The following ADAMTS19 variants were observed in gnomAD, a reference collection of about 807,000 sequenced individuals.
ADAMTS19 encodes A disintegrin and metalloproteinase with thrombospondin motifs 19.
In ADAMTS19, 93 loss-of-function variants were observed where a neutral mutation model predicts 153.3. The observed-to-expected ratio is 0.61, with a 90% CI of 0.51 to 0.72. The LOEUF is 0.72. Among genes scored for constraint, ADAMTS19 ranks in the 30% least tolerant of loss-of-function variants. The pLI is 0.00. For synonymous variants in ADAMTS19, 600 were observed against 556.6 expected (o/e 1.08, Z -1.10); for missense variants, 1,482 against 1,552.1 (o/e 0.95, Z 0.76).
At chr5:129,723,963 T>C (rs1159006933) in intron 21 of ADAMTS19, among the ~76,000 whole-genome samples, 1 of 152,200 alleles carries the variant, frequency 6.6e-6, no homozygotes, top group Non-Finnish European at 1.5e-5. Context: ...ATTGAAAGAA[T>C]TTATTTAAAG....
intron 20 of ADAMTS19, 47 bp from the exon 21 acceptor site, chr5:129,704,192 T>C: frequency 6.3e-7 from 1 of 1,586,518 alleles, no homozygotes; most frequent in South Asian, 1.2e-5. Flanking sequence ...ATCATCTATA[T>C]CTCCAATTCA....
intron 2 of ADAMTS19, among the ~76,000 whole-genome samples, chr5:129,492,873 C>G (rs1213634283): frequency 1.3e-5 from 2 of 151,986 alleles, no homozygotes; most frequent in African/African-American, 4.8e-5. Context: ...TTACCATTTT[C>G]TTAATTGTGG....
intron 8 of ADAMTS19, among the ~76,000 whole-genome samples, chr5:129,601,061 C>T (rs1415696431): frequency 6.6e-6 from 1 of 151,846 alleles, no homozygotes; most frequent in African/African-American, 2.4e-5. Flanking sequence ...TTAGTAGAGA[C>T]GGGGTTTCAG....
chr5:129,663,318 T>G (rs1753900612), intron 15 of ADAMTS19, among the ~76,000 whole-genome samples: 1 of 152,218 alleles, frequency 6.6e-6, no homozygotes, highest in South Asian at 2.1e-4. Context: ...CTTAACTTGG[T>G]GATTCTGCAA....
intron 16 of ADAMTS19, among the ~76,000 whole-genome samples, chr5:129,672,908 C>T (rs927099999): frequency 2.6e-4 from 39 of 151,858 alleles, no homozygotes; most frequent in African/African-American, 9.4e-4. Context: ...TATTCCTCTT[C>T]TTTTTGTGTC....
At chr5:129,719,492 A>G (rs906254208) in intron 21 of ADAMTS19, among the ~76,000 whole-genome samples, 4 of 152,326 alleles carry the variant, frequency 2.6e-5, no homozygotes, top group African/African-American at 9.6e-5. Flanking sequence ...TTAGTTAATA[A>G]TTTTAAACTT....
chr5:129,647,917 G>C, intron 12 of ADAMTS19, 22 bp downstream of exon 12: 1 of 1,597,850 alleles, frequency 6.3e-7, no homozygotes. Context: ...GTTCCTGGTT[G>C]GGGGAGGGCA....
rs111387154 is a variant in ADAMTS19, at chr5:129,569,775, C to T, written c.1372+17868C>T. ...TACTAAGTGTTTTGAACTGAACAAACATGAAAAGACAACATACAAATTGGA... is the reference window on the plus strand; with the variant it reads ...TACTAAGTGTTTTGAACTGAACAAATATGAAAAGACAACATACAAATTGGA... On this transcript the variant is annotated intron_variant, in intron 7 of 22. Transcript: ENST00000274487. Among the ~76,000 whole-genome samples, 234 of 151,964 alleles carry T rather than the reference C, an allele frequency of 1.5e-3. 1 individual carries two copies. Among genetic ancestry groups the T allele is most frequent in the African/African-American group, 5.2e-3 (217 of 41,480 alleles).
intron 6 of ADAMTS19, among the ~76,000 whole-genome samples, chr5:129,535,649 T>G (rs1238345716): frequency 1.3e-5 from 2 of 152,198 alleles, no homozygotes; most frequent in South Asian, 4.1e-4. Context: ...TCACGCTAGC[T>G]GACTTCAAAC....
chr5:129,536,291 G>T (rs1752420836), intron 6 of ADAMTS19, among the ~76,000 whole-genome samples: 1 of 152,128 alleles, frequency 6.6e-6, no homozygotes, highest in African/African-American at 2.4e-5. Context: ...CATTTATGCA[G>T]CCAAAAGACA....
At chr5:129,550,126 C>A (rs1183231599) in intron 6 of ADAMTS19, among the ~76,000 whole-genome samples, 1 of 16,146 alleles carries the variant, frequency 6.2e-5, no homozygotes, top group Non-Finnish European at 1.1e-4. Flanking sequence ...ATACATGTAT[C>A]TGTATATGTA....
At chr5:129,586,030 G>T (rs1356269212) in intron 7 of ADAMTS19, among the ~76,000 whole-genome samples, 3 of 152,066 alleles carry the variant, frequency 2.0e-5, no homozygotes, top group African/African-American at 7.2e-5. Context: ...TTTTAGAGCA[G>T]TCTTAGGTTC....
intron 3 of ADAMTS19, among the ~76,000 whole-genome samples, chr5:129,510,438 A>G (rs947925419): frequency 6.6e-6 from 1 of 151,880 alleles, no homozygotes; most frequent in African/African-American, 2.4e-5. Flanking sequence ...TCTCCACGTC[A>G]CAGTATTCCA....
chr5:129,555,082 A>T (rs1429510801), intron 7 of ADAMTS19, among the ~76,000 whole-genome samples: 4 of 152,076 alleles, frequency 2.6e-5, no homozygotes, highest in Admixed American at 2.6e-4. Flanking sequence ...TCTATAACCG[A>T]TGTGAAGTCA....
At chr5:129,669,871 G>A (rs1300583173) in intron 16 of ADAMTS19, among the ~76,000 whole-genome samples, 2 of 151,652 alleles carry the variant, frequency 1.3e-5, no homozygotes, top group African/African-American at 2.4e-5. Flanking sequence ...CTACAAATTT[G>A]TGCATTTTCT....
chr5:129,732,805 G>GA (rs913926869), intron 21 of ADAMTS19, among the ~76,000 whole-genome samples: 1 of 151,660 alleles, frequency 6.6e-6, no homozygotes, highest in African/African-American at 2.4e-5. Context: ...CAGAATTAGG[G>GA]AAAAAAAATC....
chr5:129,662,882 T>G (rs1753872583), intron 15 of ADAMTS19, among the ~76,000 whole-genome samples: 1 of 147,778 alleles, frequency 6.8e-6, no homozygotes. Flanking sequence ...CTCATGATTC[T>G]TCTTCATTTT....
chr5:129,639,305 T>C (rs1049407627), intron 10 of ADAMTS19, among the ~76,000 whole-genome samples: 3 of 152,192 alleles, frequency 2.0e-5, no homozygotes, highest in Non-Finnish European at 1.5e-5. Flanking sequence ...TATTCCACTT[T>C]TCAAGGTGAA....
At chr5:129,579,771 C>T (rs1380898499) in intron 7 of ADAMTS19, among the ~76,000 whole-genome samples, 1 of 152,088 alleles carries the variant, frequency 6.6e-6, no homozygotes, top group Non-Finnish European at 1.5e-5. Context: ...CTTCTGAGGC[C>T]TCTGTTCTGT....
Sources: gnomAD v4.1 joint callset for allele counts (sites outside exome capture counted in the v4.1 genomes callset) on GRCh38, gnomAD v4.1.1 for gene constraint, MANE v1.5 for transcripts, NCBI Gene and HGNC (gene_info 2026-07-23, HGNC 2026-07-21) for gene names.